Variants in DIP2C observed in about 807,000 individuals in gnomAD.
DIP2C encodes the protein DIP2 acetate--CoA ligase C (putative).
A neutral mutation model predicts 192.4 loss-of-function variants in DIP2C; 33 were observed. The observed-to-expected ratio is 0.17, with a 90% CI of 0.13 to 0.23. DIP2C has a LOEUF of 0.23. Among genes scored for constraint, DIP2C ranks in the 10% least tolerant of loss-of-function variants. The pLI is 1.00. For synonymous variants in DIP2C, 979 were observed against 864.1 expected (o/e 1.13, Z -2.33); for missense variants, 1,537 against 2,110.1 (o/e 0.73, Z 5.32).
At chr10:532,742 A>AGAGAGTATGGGTGTGT (rs1564824959) in intron 1 of DIP2C, among the ~76,000 whole-genome samples, 2 of 88,964 alleles carry the variant, frequency 2.2e-5, no homozygotes, top group South Asian at 3.6e-4. Context: ...TGGGTGTGAG[A>AGAGAGTATGGGTGTGT]GAGAGTATGG....
At chr10:354,103 C>T (rs142952688) in intron 24 of DIP2C, among the ~76,000 whole-genome samples, 1 of 152,294 alleles carries the variant, frequency 6.6e-6, no homozygotes, top group East Asian at 1.9e-4. Flanking sequence ...ATAGCTCAAG[C>T]GTGCCTGCCT....
At chr10:647,824 G>A (rs1380191177) in intron 1 of DIP2C, among the ~76,000 whole-genome samples, 89 of 146,172 alleles carry the variant, frequency 6.1e-4, no homozygotes, top group African/African-American at 1.9e-3. Context: ...AGAACAGAGG[G>A]AAACTGAGTC....
intron 1 of DIP2C, among the ~76,000 whole-genome samples, chr10:578,141 T>C (rs1382367323): frequency 6.6e-6 from 1 of 152,248 alleles, no homozygotes; most frequent in Admixed American, 6.5e-5. Context: ...ATTCTTCTTT[T>C]ATCCTAAATA....
intron 1 of DIP2C, among the ~76,000 whole-genome samples, chr10:621,179 C>T (rs140345143): frequency 2.4e-4 from 36 of 152,270 alleles, no homozygotes; most frequent in African/African-American, 4.8e-4. Flanking sequence ...GCCACGTATT[C>T]GCCACTTACC....
chr10:624,880 G>T (rs548447806), intron 1 of DIP2C, among the ~76,000 whole-genome samples: 2 of 152,146 alleles, frequency 1.3e-5, no homozygotes, highest in Non-Finnish European at 2.9e-5. Context: ...GAACCCGGGG[G>T]GGGAGCCGCA....
chr10:305,504 G>A (rs1033999137), intron 32 of DIP2C, among the ~76,000 whole-genome samples: 1 of 152,186 alleles, frequency 6.6e-6, no homozygotes, highest in African/African-American at 2.4e-5. Flanking sequence ...CCAATGAGTA[G>A]GAATTAATTT....
chr10:674,112 T>C (rs756581087), intron 1 of DIP2C, among the ~76,000 whole-genome samples: 2 of 152,200 alleles, frequency 1.3e-5, no homozygotes, highest in Non-Finnish European at 2.9e-5. Flanking sequence ...GTCTGGACTG[T>C]GATATCAGTA....
At position 580,081 on chromosome 10, in the gene DIP2C, G is replaced by A. The variant is rs117629757; in HGVS notation, c.86-93551C>T. Among the ~76,000 whole-genome samples, 407 of 152,182 alleles carry A rather than the reference G, an allele frequency of 2.7e-3. 1 individual carries two copies. The highest frequency in any genetic ancestry group is 0.016 in the Admixed American group (245 of 15,292). ...TATAACCTGTATGTACATGCATATAGCATACACATGCACATTTGTATGTAC... is the reference window on the plus strand; with the variant it reads ...TATAACCTGTATGTACATGCATATAACATACACATGCACATTTGTATGTAC... On this transcript the variant is annotated intron_variant, in intron 1 of 36. Transcript: ENST00000280886.
intron 1 of DIP2C, among the ~76,000 whole-genome samples, chr10:584,307 A>G (rs1300425796): frequency 6.6e-6 from 1 of 152,216 alleles, no homozygotes; most frequent in African/African-American, 2.4e-5. Context: ...TGTTTTAGCT[A>G]ATCAGGAACA....
intron 29 of DIP2C, among the ~76,000 whole-genome samples, chr10:331,254 C>T (rs1434115206): frequency 6.6e-6 from 1 of 152,076 alleles, no homozygotes; most frequent in Non-Finnish European, 1.5e-5. Context: ...TAAGAGAATC[C>T]AACTAAAGAA....
At chr10:405,602 C>T (rs990033477) in intron 9 of DIP2C, among the ~76,000 whole-genome samples, 16 of 152,198 alleles carry the variant, frequency 1.1e-4, no homozygotes, top group African/African-American at 3.6e-4. Flanking sequence ...TGTTGTATTG[C>T]TACCTCCATA....
At chr10:513,605 C>CA (rs1200139602) in intron 1 of DIP2C, among the ~76,000 whole-genome samples, 3 of 121,582 alleles carry the variant, frequency 2.5e-5, no homozygotes, top group African/African-American at 9.7e-5. Context: ...CACCCTGTAC[C>CA]ACGCCTTCCA....
chr10:682,335 C>G (rs905794420), intron 1 of DIP2C, among the ~76,000 whole-genome samples: 2 of 152,212 alleles, frequency 1.3e-5, no homozygotes, highest in Admixed American at 1.3e-4. Flanking sequence ...ATTTAACATA[C>G]CAATTTTAGA....
intron 1 of DIP2C, among the ~76,000 whole-genome samples, chr10:487,102 A>C (rs1340348303): frequency 6.6e-6 from 1 of 152,252 alleles, no homozygotes; most frequent in African/African-American, 2.4e-5. Flanking sequence ...GCAAGAATCC[A>C]CATGTTAAAG....
intron 26 of DIP2C, 163 bp from the exon 27 acceptor site, chr10:345,273 G>A (rs1182452409): frequency 3.9e-6 from 3 of 760,426 alleles, no homozygotes; most frequent in Middle Eastern, 2.5e-4. Flanking sequence ...ACAGAGCTAG[G>A]AGTCTAGTTG....
At chr10:552,999 C>G (rs1055443990) in intron 1 of DIP2C, among the ~76,000 whole-genome samples, 1 of 152,244 alleles carries the variant, frequency 6.6e-6, no homozygotes, top group Admixed American at 6.5e-5. Context: ...AGGGAAGAAG[C>G]CAGTATTTCC....
intron 8 of DIP2C, among the ~76,000 whole-genome samples, chr10:412,917 T>C (rs1165531000): frequency 6.6e-6 from 1 of 152,220 alleles, no homozygotes; most frequent in East Asian, 1.9e-4. Context: ...TCAACATAAA[T>C]CTCAGACATG....
At chr10:415,381 A>T (rs762014214) in intron 7 of DIP2C, among the ~76,000 whole-genome samples, 1 of 152,294 alleles carries the variant, frequency 6.6e-6, no homozygotes, top group South Asian at 2.1e-4. Flanking sequence ...TCCGGCACCT[A>T]TAAGGAGAGG....
chr10:451,720 A>C (rs1365500010), intron 3 of DIP2C, among the ~76,000 whole-genome samples: 2 of 152,096 alleles, frequency 1.3e-5, no homozygotes, highest in East Asian at 3.8e-4. Flanking sequence ...CTTGAGTGTA[A>C]CCACTTTTGC....
Sources: gnomAD v4.1 joint callset for allele counts (sites outside exome capture counted in the v4.1 genomes callset) on GRCh38, gnomAD v4.1.1 for gene constraint, MANE v1.5 for transcripts, NCBI Gene and HGNC (gene_info 2026-07-23, HGNC 2026-07-21) for gene names.